The following ZNF420 variants were observed in gnomAD, a reference collection of about 807,000 sequenced individuals.
ZNF420 encodes the protein zinc finger protein 420, also known as ATM and p53-associated KZNF protein.
In ZNF420, 31 loss-of-function variants were observed where a neutral mutation model predicts 44.7. The ratio of observed to expected loss-of-function variants is 0.69; its 90% CI spans 0.52 to 0.94. The LOEUF (loss-of-function observed/expected upper bound fraction) is 0.94, where lower values mean the gene tolerates loss of function less well. Ranked by LOEUF, ZNF420 falls within the 40% of genes least tolerant of loss-of-function variation. The probability of loss-of-function intolerance (pLI) is 0.00; values close to 1 mark genes in which losing one functional copy is unlikely to be tolerated. For missense variants in ZNF420, 681 were observed against 827.9 expected (o/e 0.82, Z 2.18); for synonymous variants, 245 against 267.4 (o/e 0.92, Z 0.82).
chr19:37,048,394 C>T (rs970119149), intron 1 of ZNF420, among the ~76,000 whole-genome samples: 1 of 152,116 alleles, frequency 6.6e-6, no homozygotes, highest in Non-Finnish European at 1.5e-5. Context: ...AGGCATAAGA[C>T]AACCAAAAAG....
chr19:37,051,827 G>A (rs994074193), intron 1 of ZNF420, among the ~76,000 whole-genome samples: 19 of 152,074 alleles, frequency 1.2e-4, no homozygotes, highest in Non-Finnish European at 2.4e-4. Context: ...GTCAGTTTTG[G>A]ATCTTTCCTG....
rs148929434 is a variant in ZNF420, at chr19:37,050,678, C to A, written c.-124-29667C>A. Among the ~76,000 whole-genome samples, 105 of 152,280 alleles carry A rather than the reference C, an allele frequency of 6.9e-4. 1 individual carries two copies. The East Asian group carries it at 0.016, about 23-fold the overall frequency. On this transcript the variant is annotated intron_variant, in intron 1 of 4. Coordinates refer to the ZNF420 transcript ENST00000587029. ...TCTGCAAACAGGGACAATTTGATTT[C>A]CTCTTTTCCTAATTGAATACCCTTT... is the stretch of plus-strand genomic sequence containing the variant.
intron 1 of ZNF420, among the ~76,000 whole-genome samples, chr19:37,069,687 C>T (rs143825446): frequency 2.0e-5 from 3 of 152,142 alleles, no homozygotes; most frequent in African/African-American, 4.8e-5. Flanking sequence ...ATTTGAAATA[C>T]GTTTCTACTG....
chr19:37,049,437 G>T (rs2146421399), intron 1 of ZNF420, among the ~76,000 whole-genome samples: 1 of 152,260 alleles, frequency 6.6e-6, no homozygotes, highest in Non-Finnish European at 1.5e-5. Context: ...ATCTCATTGT[G>T]GTTTTGATTT....
rs569443690 is a variant in ZNF420 at position 37,122,522 on chromosome 19, G to T, written c.137-4606G>T. Among the ~76,000 whole-genome samples, 3 of 152,162 alleles carry T rather than the reference G, an allele frequency of 2.0e-5. No individual in the cohort carries two copies. In the South Asian group the frequency reaches 6.2e-4, roughly 32 times the overall value. On this transcript the variant is annotated intron_variant, in intron 4 of 4. Coordinates refer to ENST00000337995, the MANE Select transcript of ZNF420 (RefSeq NM_144689.5). ...AGATATACCTAATGCTAAATGACGA[G>T]TTAATGGGTGCAGTACACCAACATG...
At chr19:37,008,656 C>T (rs1202665688) in intron 1 of ZNF420, among the ~76,000 whole-genome samples, 3 of 152,214 alleles carry the variant, frequency 2.0e-5, no homozygotes, top group Non-Finnish European at 4.4e-5. Context: ...GGGAACAGGA[C>T]ATGGCAAGGA....
intron 1 of ZNF420, among the ~76,000 whole-genome samples, chr19:37,029,182 G>A (rs1236597754): frequency 2.0e-5 from 3 of 152,086 alleles, no homozygotes; most frequent in African/African-American, 7.2e-5. Flanking sequence ...AAAATATTTT[G>A]CTCATTAGCC....
intron 4 of ZNF420, among the ~76,000 whole-genome samples, chr19:37,114,247 A>C (rs1970536418): frequency 6.6e-6 from 1 of 152,148 alleles, no homozygotes; most frequent in Admixed American, 6.5e-5. Flanking sequence ...CTGAGGATAT[A>C]GCGCCCTGCC....
intron 2 of ZNF420, among the ~76,000 whole-genome samples, chr19:37,085,501 G>A (rs913117645): frequency 6.6e-6 from 1 of 152,146 alleles, no homozygotes; most frequent in Non-Finnish European, 1.5e-5. Flanking sequence ...AGCAGACTTG[G>A]TGCACTTCTA....
chr19:37,031,508 T>G (rs909361550), intron 1 of ZNF420, among the ~76,000 whole-genome samples: 5 of 152,060 alleles, frequency 3.3e-5, no homozygotes, highest in Admixed American at 1.3e-4. Flanking sequence ...TGCATTTTCT[T>G]TTCTTTATTT....
chr19:37,113,540 C>T (rs925519693), intron 4 of ZNF420, among the ~76,000 whole-genome samples: 2 of 152,138 alleles, frequency 1.3e-5, no homozygotes, highest in Admixed American at 1.3e-4. Context: ...TCCACTATGA[C>T]CTTACGGGCA....
At chr19:37,092,111 C>T (rs1969186535) in intron 4 of ZNF420, 1 of 152,102 alleles carries the variant, frequency 6.6e-6, no homozygotes, top group African/African-American at 2.4e-5. Flanking sequence ...GATTTTCCAA[C>T]CTACATGATA....
intron 1 of ZNF420, among the ~76,000 whole-genome samples, chr19:37,035,303 C>A (rs1967333879): frequency 6.6e-6 from 1 of 152,188 alleles, no homozygotes; most frequent in Non-Finnish European, 1.5e-5. Flanking sequence ...CTGCCTGATC[C>A]ATGAATCTCT....
intron 4 of ZNF420, among the ~76,000 whole-genome samples, chr19:37,113,997 A>G (rs1012724569): frequency 6.6e-6 from 1 of 152,184 alleles, no homozygotes; most frequent in African/African-American, 2.4e-5. Flanking sequence ...AGTTGGGTCC[A>G]TACTGTTTTA....
intron 1 of ZNF420, among the ~76,000 whole-genome samples, chr19:37,049,023 A>G (rs571990229): frequency 6.6e-6 from 1 of 152,162 alleles, no homozygotes; most frequent in African/African-American, 2.4e-5. Context: ...AGCTTCATCC[A>G]TGTCCCTACA....
chr19:37,016,436 T>G (rs1201703676), intron 1 of ZNF420, among the ~76,000 whole-genome samples: 1 of 152,240 alleles, frequency 6.6e-6, no homozygotes, highest in African/African-American at 2.4e-5. Flanking sequence ...CTGGAATCCC[T>G]GAACGGGGCT....
upstream of ZNF420, among the ~76,000 whole-genome samples, chr19:37,074,583 A>T (rs1319875340): frequency 6.6e-6 from 1 of 152,226 alleles, no homozygotes; most frequent in Non-Finnish European, 1.5e-5. Flanking sequence ...CACATATCAG[A>T]CATTTGGGAA....
intron 1 of ZNF420, among the ~76,000 whole-genome samples, chr19:37,022,274 A>G (rs1166566689): frequency 6.6e-6 from 1 of 151,814 alleles, no homozygotes; most frequent in Admixed American, 6.6e-5. Flanking sequence ...TAAATATATA[A>G]TTAAATGTAT....
chr19:37,125,090 G>A (rs1161595398), intron 4 of ZNF420, among the ~76,000 whole-genome samples: 1 of 152,004 alleles, frequency 6.6e-6, no homozygotes, highest in Non-Finnish European at 1.5e-5. Context: ...CACCTGCCTT[G>A]GCCTCCCAAA....
Sources: allele counts gnomAD v4.1 joint callset (sites outside exome capture counted in the v4.1 genomes callset), GRCh38; gene constraint gnomAD v4.1.1; transcripts MANE v1.5; gene names NCBI Gene and HGNC (gene_info 2026-07-23, HGNC 2026-07-21).